ATP6V1E1: variants seen among roughly 807,000 people sequenced by gnomAD.
The protein encoded by ATP6V1E1 is ATPase H+ transporting V1 subunit E1, also known as V-type proton ATPase subunit E 1.
Under a neutral mutation model 35.2 loss-of-function variants are expected in ATP6V1E1, and 21 were observed. The ratio of observed to expected loss-of-function variants is 0.60; its 90% confidence interval spans 0.42 to 0.86. The LOEUF is 0.86. Ranked by LOEUF, ATP6V1E1 falls within the 40% of genes least tolerant of loss-of-function variation. The pLI, the probability that ATP6V1E1 is intolerant of heterozygous loss-of-function variation, is 0.00. For synonymous variants in ATP6V1E1, 83 were observed against 87.8 expected, an observed-to-expected ratio of 0.95 and a Z score of 0.30; for missense variants, 183 against 272.6, an observed-to-expected ratio of 0.67 and a Z score of 2.32.
intron 2 of ATP6V1E1, among the ~76,000 whole-genome samples, chr22:17,614,862 G>A (rs7289414): frequency 0.044 from 6,704 of 151,238 alleles, 480 homozygotes; most frequent in African/African-American, 0.15. Flanking sequence ...CCAGCTACTC[G>A]GGAGGCTGAG....
chr22:17,614,757 A>G (rs866192376), intron 2 of ATP6V1E1, among the ~76,000 whole-genome samples: 14 of 150,948 alleles, frequency 9.3e-5, no homozygotes, highest in Middle Eastern at 3.4e-3. Context: ...TCATGAGGTC[A>G]GGAGATCGAG....
chr22:17,594,713 G>A (rs953499842), intron 7 of ATP6V1E1, 97 bp from the exon 8 acceptor site: 100 of 1,004,268 alleles, frequency 1.0e-4, no homozygotes, highest in Middle Eastern at 6.6e-4. Flanking sequence ...TTGTCTTGGT[G>A]TGTAGACTGC....
intron 4 of ATP6V1E1, among the ~76,000 whole-genome samples, chr22:17,608,141 G>A (rs1184739198): frequency 2.0e-5 from 3 of 152,178 alleles, no homozygotes; most frequent in African/African-American, 7.2e-5. Flanking sequence ...GACTCCTAGA[G>A]GGGCCAGCAC....
chr22:17,605,219 A>AAAAAG (rs1395184200), intron 4 of ATP6V1E1, among the ~76,000 whole-genome samples: 261 of 138,244 alleles, frequency 1.9e-3, no homozygotes, highest in Non-Finnish European at 3.4e-3. Context: ...AAAAAAAAAA[A>AAAAAG]AAAAGAAAAG....
chr22:17,617,562 G>C (rs979556028), intron 2 of ATP6V1E1, among the ~76,000 whole-genome samples: 28 of 152,106 alleles, frequency 1.8e-4, no homozygotes, highest in African/African-American at 6.0e-4. Flanking sequence ...CCAAAGTGCT[G>C]GGATTACAGG....
intron 2 of ATP6V1E1, among the ~76,000 whole-genome samples, chr22:17,614,500 TACACACAC>T: frequency 1.3e-5 from 2 of 148,680 alleles, no homozygotes; most frequent in Admixed American, 1.3e-4. Context: ...CTACTAAAAA[TACACACAC>T]ACACACACAA....
At chr22:17,592,936 T>C (rs530038692) in intron 8 of ATP6V1E1, among the ~76,000 whole-genome samples, 200 bp from the exon 9 acceptor site, 38 of 152,208 alleles carry the variant, frequency 2.5e-4, no homozygotes, top group Admixed American at 1.7e-3. Flanking sequence ...TACAGGTGCT[T>C]GCCACCATGC....
intron 1 of ATP6V1E1, among the ~76,000 whole-genome samples, chr22:17,624,800 G>A (rs2057895586): frequency 6.6e-6 from 1 of 151,488 alleles, no homozygotes; most frequent in Non-Finnish European, 1.5e-5. Context: ...CAGCCTAGGC[G>A]ACAAAGCAAG....
At chr22:17,613,348 C>A (rs1029828132) in intron 2 of ATP6V1E1, 28 bp from the exon 3 acceptor site, 11 of 1,580,430 alleles carry the variant, frequency 7.0e-6, no homozygotes, top group Non-Finnish European at 9.6e-6. Context: ...AATATTAATT[C>A]ATTACATCAA....
At chr22:17,617,505 G>A (rs1011048819) in intron 2 of ATP6V1E1, among the ~76,000 whole-genome samples, 2 of 152,100 alleles carry the variant, frequency 1.3e-5, no homozygotes, top group East Asian at 3.9e-4. Context: ...TGTTGGCCAG[G>A]CTGGTCTTGA....
chr22:17,619,407 G>A, intron 2 of ATP6V1E1, 54 bp downstream of exon 2: 1 of 1,487,660 alleles, frequency 6.7e-7, no homozygotes, highest in East Asian at 2.3e-5. Context: ...ATTTAGCAAA[G>A]CAAAACAATA....
chr22:17,614,659 C>A (rs1000989098), intron 2 of ATP6V1E1, among the ~76,000 whole-genome samples: 2 of 137,676 alleles, frequency 1.5e-5, no homozygotes. Flanking sequence ...GCAACAAAAG[C>A]GAACTCTTAA....
At position 17,594,610 on chromosome 22, in the gene ATP6V1E1, A is replaced by C; in HGVS notation, c.537T>G (p.Gly179=). ...QESYLPEDIA[G]GVEIYNGDRK... ...GATCTCCATTATAGATCTCAACTCCACCAGCTCTGCAAAAAAAAAAGCACA... is the reference window on the plus strand; with the variant it reads ...GATCTCCATTATAGATCTCAACTCCCCCAGCTCTGCAAAAAAAAAAGCACA... The change falls in exon 8 of 9, where the codon GGT becomes GGG. Residue 179 remains glycine, a synonymous_variant. Coordinates refer to ENST00000253413, the MANE Select transcript of ATP6V1E1 (RefSeq NM_001696.4). The C allele has an allele frequency of 6.5e-7, 1 of 1,548,172 alleles. No homozygotes were observed.
intron 7 of ATP6V1E1, among the ~76,000 whole-genome samples, chr22:17,597,491 C>T (rs1191755475): frequency 6.6e-6 from 1 of 151,906 alleles, no homozygotes; most frequent in Non-Finnish European, 1.5e-5. Context: ...ACCTAACTAC[C>T]AGGCATACAC....
intron 4 of ATP6V1E1, among the ~76,000 whole-genome samples, chr22:17,603,457 C>T (rs1379293340): frequency 2.0e-5 from 3 of 151,930 alleles, no homozygotes; most frequent in Admixed American, 2.0e-4. Context: ...TTGAGGCTGT[C>T]GTGAATGATA....
Position 17,592,602 on chromosome 22 carries a change from G to T in ATP6V1E1, c.*72C>A, listed in dbSNP as rs561058045. On this transcript the variant is annotated 3_prime_UTR_variant, in exon 9 of 9. Transcript: ENST00000253413. ...TGAAGAGGAAGCTACAGAGACATTC[G>T]TGTTTCTTCAAATATCAGAAGCTTC... The T allele has an allele frequency of 6.2e-6, 9 of 1,456,870 alleles. No homozygotes were observed. In the African/African-American group the frequency reaches 1.1e-4, roughly 18 times the overall value. The allele number at this position is 1,456,870 out of a possible 1,614,324, so 90.2% of individuals were successfully genotyped here.
At position 17,617,026 on chromosome 22, in the gene ATP6V1E1, C is replaced by T. The variant is rs1454556974; in HGVS notation, c.99+2435G>A. ...TCCCGCCACTGCACTCCAGCCTGGGCGACAGAGCGAGACTCCGTCTCAAAA... is the reference window on the plus strand; with the variant it reads ...TCCCGCCACTGCACTCCAGCCTGGGTGACAGAGCGAGACTCCGTCTCAAAA... On this transcript the variant is annotated intron_variant, in intron 2 of 8. Coordinates refer to ENST00000253413, the MANE Select transcript of ATP6V1E1 (RefSeq NM_001696.4). 9.9e-5 allele frequency among the ~76,000 whole-genome samples: 6 copies of T among 60,370 alleles called. 2 individuals are homozygous for T. The highest frequency in any genetic ancestry group is 2.1e-4 in the Non-Finnish European group (6 of 28,004). The allele number at this position is 60,370 out of a possible 152,430, so 39.6% of individuals were successfully genotyped here. A position where few individuals can be genotyped will look rare whatever the true frequency, so the allele number is the denominator to read the frequency against.
chr22:17,598,187 T>A lies in ATP6V1E1; in HGVS notation c.530+7A>T. The A allele has an allele frequency of 6.2e-7, 1 of 1,606,088 alleles. No individual in the cohort carries two copies. The highest frequency in any genetic ancestry group is 8.5e-7 in the Non-Finnish European group (1 of 1,173,356). Reference sequence around the variant, plus strand: ...AGGTAGCTGTTAGCAGCAGGAATACTCCTTACATGTCTTCAGGCAGGTAGG... The same window carrying A: ...AGGTAGCTGTTAGCAGCAGGAATACACCTTACATGTCTTCAGGCAGGTAGG... On this transcript the variant is annotated splice_region_variant and intron_variant, in intron 7 of 8. Coordinates refer to ENST00000253413, the MANE Select transcript of ATP6V1E1 (RefSeq NM_001696.4).
chr22:17,627,376 T>A lies in ATP6V1E1; in HGVS notation c.33+1227A>T, dbSNP rs546179750. On this transcript the variant is annotated intron_variant, in intron 1 of 8. Coordinates refer to ENST00000253413, the MANE Select transcript of ATP6V1E1 (RefSeq NM_001696.4). ...ACTCCTGACCTCAGGTGATCCGCCCTCCTCAGCCTCCCAAAGTGCTGGTAT... is the reference window on the plus strand; with the variant it reads ...ACTCCTGACCTCAGGTGATCCGCCCACCTCAGCCTCCCAAAGTGCTGGTAT... 4.2e-4 allele frequency among the ~76,000 whole-genome samples: 62 copies of A among 148,232 alleles called. No individual in the cohort carries two copies. The South Asian group carries it at 0.011, about 27-fold the overall frequency.
Sources: gnomAD v4.1 joint callset for allele counts (sites outside exome capture counted in the v4.1 genomes callset) on GRCh38, gnomAD v4.1.1 for gene constraint, MANE v1.5 for transcripts, NCBI Gene and HGNC (gene_info 2026-07-23, HGNC 2026-07-21) for gene names.